Variants in PLSCR4 observed in about 807,000 individuals in gnomAD.
PLSCR4 encodes phospholipid scramblase 4.
A neutral mutation model predicts 36.3 loss-of-function variants in PLSCR4; 25 were observed. The ratio of observed to expected loss-of-function variants is 0.69; its 90% CI spans 0.50 to 0.96. The LOEUF (loss-of-function observed/expected upper bound fraction) is 0.96, where lower values mean the gene tolerates loss of function less well. Ranked by LOEUF, PLSCR4 falls within the 40% of genes least tolerant of loss-of-function variation. The pLI, the probability that PLSCR4 is intolerant of heterozygous loss-of-function variation, is 0.00. For synonymous variants in PLSCR4, 122 were observed against 132.9 expected, an observed-to-expected ratio of 0.92 and a Z score of 0.56; for missense variants, 408 against 414.7, an observed-to-expected ratio of 0.98 and a Z score of 0.14.
chr3:146,200,217 T>C (rs2033972001), intron 5 of PLSCR4, among the ~76,000 whole-genome samples, 178 bp from the exon 6 acceptor site: 1 of 152,048 alleles, frequency 6.6e-6, no homozygotes, highest in Non-Finnish European at 1.5e-5. Flanking sequence ...TTTAAGCAAT[T>C]GTGAAAATTT....
rs1443286338 is a variant in PLSCR4, at chr3:146,220,799, T to C, written c.118+16A>G. The C allele has an allele frequency of 6.2e-6, 9 of 1,456,164 alleles. No individual in the cohort carries two copies. Among genetic ancestry groups the C allele is most frequent in the Non-Finnish European group, 8.7e-6 (9 of 1,038,758 alleles). The allele number at this position is 1,456,164 out of a possible 1,614,324, so 90.2% of individuals were successfully genotyped here. A position where few individuals can be genotyped will look rare whatever the true frequency, so the allele number is the denominator to read the frequency against. On this transcript the variant is annotated intron_variant, in intron 3 of 8. Coordinates refer to ENST00000354952, the MANE Select transcript of PLSCR4 (RefSeq NM_020353.3). ...TTTTAGCAAAGGAGAATATCTTTTA[T>C]GAATATTTAACCCACCTGGTAAAAA...
intron 1 of PLSCR4, among the ~76,000 whole-genome samples, chr3:146,244,223 C>T (rs1236432786): frequency 6.6e-6 from 1 of 152,108 alleles, no homozygotes; most frequent in African/African-American, 2.4e-5. Flanking sequence ...ACGTTTCATA[C>T]ACAACATTAT....
rs1436987776 is a variant in PLSCR4, at chr3:146,194,262, C to T, written c.*149G>A. On this transcript the variant is annotated 3_prime_UTR_variant, in exon 9 of 9. Coordinates refer to ENST00000354952, the MANE Select transcript of PLSCR4 (RefSeq NM_020353.3). ...CACTTTTAGATTGTGTTCTTGCAAG[C>T]CCACTCTCAGCTGTCAAAGTTAACA... is the stretch of plus-strand genomic sequence containing the variant. 2.4e-5 allele frequency: 15 copies of T among 627,210 alleles called. No homozygotes were observed. Among genetic ancestry groups the T allele is most frequent in the Non-Finnish European group, 4.0e-5 (14 of 348,476 alleles). The allele number at this position is 627,210 out of a possible 1,614,324, so 38.9% of individuals were successfully genotyped here.
At chr3:146,221,963 T>G in intron 2 of PLSCR4, 102 bp downstream of exon 2, 1 of 548,968 alleles carries the variant, frequency 1.8e-6, no homozygotes, top group Non-Finnish European at 3.1e-6. Flanking sequence ...TTGCCAAATG[T>G]TAAACAAAAA....
At chr3:146,200,282 GAAA>G (rs1269829108) in intron 5 of PLSCR4, among the ~76,000 whole-genome samples, 16 of 152,028 alleles carry the variant, frequency 1.1e-4, no homozygotes, top group African/African-American at 3.6e-4. Context: ...TTACATAAAA[GAAA>G]AGATTGAAAC....
chr3:146,203,673 C>CT (rs373948384), intron 4 of PLSCR4, among the ~76,000 whole-genome samples: 4 of 151,620 alleles, frequency 2.6e-5, no homozygotes, highest in South Asian at 4.2e-4. Flanking sequence ...CAGCTTCAAA[C>CT]TTTTTTTTTC....
chr3:146,219,001 T>C (rs983257994), intron 3 of PLSCR4, among the ~76,000 whole-genome samples: 2 of 152,210 alleles, frequency 1.3e-5, no homozygotes, highest in African/African-American at 4.8e-5. Flanking sequence ...TCATTAACAC[T>C]ACATAATTCA....
chr3:146,217,587 T>C (rs749907386), intron 3 of PLSCR4, among the ~76,000 whole-genome samples: 4 of 152,214 alleles, frequency 2.6e-5, no homozygotes, highest in African/African-American at 4.8e-5. Flanking sequence ...AGGCTGATTT[T>C]GGTGAAAGGA....
intron 7 of PLSCR4, chr3:146,196,386 A>C (rs1461711586): frequency 4.8e-6 from 2 of 419,496 alleles, no homozygotes; most frequent in South Asian, 3.6e-5. Flanking sequence ...CAGAATATTT[A>C]ATGTATTAAA....
At chr3:146,246,298 T>C (rs1345467947) in intron 1 of PLSCR4, among the ~76,000 whole-genome samples, 2 of 152,070 alleles carry the variant, frequency 1.3e-5, no homozygotes, top group East Asian at 3.9e-4. Flanking sequence ...AAACCTAAGA[T>C]TTTTATTGTG....
intron 3 of PLSCR4, among the ~76,000 whole-genome samples, chr3:146,210,453 A>G (rs1158780199): frequency 6.6e-6 from 1 of 152,090 alleles, no homozygotes; most frequent in East Asian, 1.9e-4. Flanking sequence ...AGAGAAAAAA[A>G]TCACCTCAAC....
chr3:146,237,221 G>A (rs1044695007), intron 1 of PLSCR4, among the ~76,000 whole-genome samples: 1 of 152,002 alleles, frequency 6.6e-6, no homozygotes, highest in African/African-American at 2.4e-5. Flanking sequence ...AACTATTACT[G>A]AAGACTAAGA....
At chr3:146,217,109 A>G (rs575924582) in intron 3 of PLSCR4, among the ~76,000 whole-genome samples, 116 of 152,340 alleles carry the variant, frequency 7.6e-4, no homozygotes, top group African/African-American at 2.7e-3. Context: ...AAAGACATTC[A>G]AATGCATGCC....
chr3:146,195,444 C>A (rs1399379331), intron 7 of PLSCR4, among the ~76,000 whole-genome samples, 162 bp from the exon 8 acceptor site: 1 of 152,130 alleles, frequency 6.6e-6, no homozygotes, highest in South Asian at 2.1e-4. Context: ...AACTGCCTTG[C>A]AACTGGTTAA....
chr3:146,200,388 T>A (rs16858032), intron 5 of PLSCR4, among the ~76,000 whole-genome samples: 6 of 152,034 alleles, frequency 3.9e-5, no homozygotes, highest in Admixed American at 3.9e-4. Context: ...CATTAATTAA[T>A]CAGTTCACGA....
chr3:146,196,460 C>A, intron 7 of PLSCR4, 172 bp downstream of exon 7: 1 of 612,962 alleles, frequency 1.6e-6, no homozygotes, highest in Non-Finnish European at 2.8e-6. Flanking sequence ...TGGAAAACCT[C>A]AATCTACTCA....
chr3:146,224,156 G>C (rs2108300610), intron 1 of PLSCR4, among the ~76,000 whole-genome samples: 1 of 151,990 alleles, frequency 6.6e-6, no homozygotes, highest in South Asian at 2.1e-4. Context: ...CATGCACACA[G>C]GATATAGACA....
At chr3:146,239,027 G>C (rs763422088) in intron 1 of PLSCR4, among the ~76,000 whole-genome samples, 17 of 151,862 alleles carry the variant, frequency 1.1e-4, no homozygotes, top group Non-Finnish European at 2.1e-4. Flanking sequence ...AAAACACCTA[G>C]AAATAAATTT....
Position 146,206,577 on chromosome 3 carries a change from T to G in PLSCR4, c.303A>C (p.Pro101=). 1.2e-6 allele frequency: 2 copies of G among 1,613,638 alleles called. No individual in the cohort carries two copies. Among genetic ancestry groups the G allele is most frequent in the Non-Finnish European group, 1.7e-6 (2 of 1,179,684 alleles). ...GGCAGTTTGCCATAGGAGTTGGCCC[T>G]GGCATCCATGTTATTGGAACAGACT... ...PNQSVPITWM[P]GPTPMANCPP... The change falls in exon 4 of 9, where the codon CCA becomes CCC. Residue 101 remains proline (P), a synonymous_variant. Transcript: ENST00000354952.
Sources: gnomAD v4.1 joint callset for allele counts (sites outside exome capture counted in the v4.1 genomes callset) on GRCh38, gnomAD v4.1.1 for gene constraint, MANE v1.5 for transcripts, NCBI Gene and HGNC (gene_info 2026-07-23, HGNC 2026-07-21) for gene names.